LRRC37A2: variants seen among roughly 807,000 people sequenced by gnomAD.
The protein encoded by LRRC37A2 is leucine rich repeat containing 37 member A2, also known as leucine-rich repeat-containing protein 37A2.
Under a neutral mutation model 68.8 loss-of-function variants are expected in LRRC37A2, and 9 were observed. That is an observed-to-expected ratio of 0.13 (90% CI 0.08 to 0.23). The LOEUF is 0.23. Among genes scored for constraint, LRRC37A2 ranks in the 10% least tolerant of loss-of-function variants. The probability of loss-of-function intolerance (pLI) is 1.00; values close to 1 mark genes in which losing one functional copy is unlikely to be tolerated. For missense variants in LRRC37A2, 168 were observed against 950.4 expected (o/e 0.18, Z 10.82); for synonymous variants, 63 against 367.6 (o/e 0.17, Z 9.48).
At chr17:46,803,047 G>T in the LRRC37A2 span, among the ~76,000 whole-genome samples, 1 of 152,156 alleles carries the variant, frequency 6.6e-6, no homozygotes, top group African/African-American at 2.4e-5. Context: ...CAACCTATGG[G>T]ATCAGATGCT....
At chr17:47,001,592 G>C in the LRRC37A2 span, among the ~76,000 whole-genome samples, 1 of 152,000 alleles carries the variant, frequency 6.6e-6, no homozygotes, top group African/African-American at 2.4e-5. Context: ...AATCAAGATA[G>C]TGAAGAAAGC....
chr17:46,904,271 G>T, the LRRC37A2 span, among the ~76,000 whole-genome samples: 1 of 151,238 alleles, frequency 6.6e-6, no homozygotes, highest in African/African-American at 2.4e-5. Flanking sequence ...TGGATGGATG[G>T]GTGGATGAAT....
the LRRC37A2 span, among the ~76,000 whole-genome samples, chr17:47,015,142 G>A: frequency 6.6e-6 from 1 of 150,998 alleles, no homozygotes; most frequent in East Asian, 1.9e-4. Context: ...TGAGTAGCTG[G>A]GATTATAGAC....
the LRRC37A2 span, among the ~76,000 whole-genome samples, chr17:47,029,143 A>C: frequency 6.6e-5 from 10 of 151,508 alleles, no homozygotes; most frequent in African/African-American, 9.7e-5. Flanking sequence ...GTGCCACTAC[A>C]CTCCAACCTC....
the LRRC37A2 span, among the ~76,000 whole-genome samples, chr17:46,675,659 C>CACAT: frequency 7.7e-6 from 1 of 129,896 alleles, no homozygotes; most frequent in African/African-American, 3.1e-5. Context: ...CACACACACA[C>CACAT]ACACGAACAT....
chr17:46,894,674 G>C, the LRRC37A2 span, among the ~76,000 whole-genome samples: 1 of 152,196 alleles, frequency 6.6e-6, no homozygotes. Context: ...GTCTCCGTGG[G>C]GCCGCCAGCC....
chr17:46,739,525 G>C, the LRRC37A2 span, among the ~76,000 whole-genome samples: 8 of 151,952 alleles, frequency 5.3e-5, no homozygotes, highest in African/African-American at 1.9e-4. Context: ...GGCAACCAGA[G>C]TGAGACCTTG....
chr17:46,914,249 C>T, the LRRC37A2 span, among the ~76,000 whole-genome samples: 4 of 151,990 alleles, frequency 2.6e-5, no homozygotes, highest in Admixed American at 1.3e-4. Context: ...GACACAATAG[C>T]GGGGCGGCCA....
chr17:46,784,770 T>G, the LRRC37A2 span, among the ~76,000 whole-genome samples: 30 of 126,056 alleles, frequency 2.4e-4, no homozygotes, highest in Admixed American at 2.7e-3. Context: ...TTCCCCTTTT[T>G]GCTTTTCTTT....
At chr17:46,966,223 C>T in the LRRC37A2 span, among the ~76,000 whole-genome samples, 12 of 152,258 alleles carry the variant, frequency 7.9e-5, no homozygotes, top group Admixed American at 3.3e-4. Flanking sequence ...ACAGAAAAAT[C>T]AAGGCATGGC....
At chr17:46,893,596 G>C in the LRRC37A2 span, among the ~76,000 whole-genome samples, 11 of 152,106 alleles carry the variant, frequency 7.2e-5, no homozygotes, top group Non-Finnish European at 1.6e-4. Context: ...GAGCAGAGTA[G>C]GGGAGGGCAG....
chr17:46,895,183 C>T, the LRRC37A2 span, among the ~76,000 whole-genome samples: 65 of 152,360 alleles, frequency 4.3e-4, 1 homozygote, highest in South Asian at 0.013. Context: ...CGCCCTGCTC[C>T]CAGGGCAGAC....
At chr17:46,763,967 C>CACATGGCTG in the LRRC37A2 span, 6 of 152,138 alleles carry the variant, frequency 3.9e-5, no homozygotes, top group Admixed American at 6.5e-5. Flanking sequence ...CTGAGAAGAA[C>CACATGGCTG]ACATGGCTGC....
the LRRC37A2 span, chr17:46,770,137 AACGAGGCC>A: frequency 8.3e-6 from 12 of 1,446,934 alleles, no homozygotes; most frequent in Non-Finnish European, 1.1e-5. Flanking sequence ...ACGTGAGGGG[AACGAGGCC>A]AGGAAGAGTT....
the LRRC37A2 span, among the ~76,000 whole-genome samples, chr17:46,845,819 C>A: frequency 3.5e-4 from 42 of 118,654 alleles, no homozygotes; most frequent in Admixed American, 3.7e-3. Flanking sequence ...GAGATCAAAT[C>A]TCGTTCTGTC....
At chr17:46,720,808 T>C in the LRRC37A2 span, among the ~76,000 whole-genome samples, 6 of 151,860 alleles carry the variant, frequency 4.0e-5, no homozygotes, top group African/African-American at 1.2e-4. Context: ...AGAACCAGAG[T>C]GTTTGGCTTT....
At chr17:46,729,288 A>G in the LRRC37A2 span, among the ~76,000 whole-genome samples, 1 of 152,166 alleles carries the variant, frequency 6.6e-6, no homozygotes, top group Non-Finnish European at 1.5e-5. Context: ...ATGTTCCCAT[A>G]TGTTTCATTT....
chr17:46,940,380 G>A, the LRRC37A2 span: 1 of 1,526,952 alleles, frequency 6.5e-7, no homozygotes, highest in Non-Finnish European at 8.8e-7. Flanking sequence ...GTGACTGGAG[G>A]GTGGACTGGG....
At chr17:46,896,618 A>G in the LRRC37A2 span, among the ~76,000 whole-genome samples, 1 of 152,032 alleles carries the variant, frequency 6.6e-6, no homozygotes, top group Non-Finnish European at 1.5e-5. Context: ...CAAACACATT[A>G]AAAAAAGACC....
Sources: gnomAD v4.1 joint callset for allele counts (sites outside exome capture counted in the v4.1 genomes callset) on GRCh38, gnomAD v4.1.1 for gene constraint, MANE v1.5 for transcripts, NCBI Gene and HGNC (gene_info 2026-07-23, HGNC 2026-07-21) for gene names.